The following EXOC7 variants were observed in gnomAD, a reference collection of about 807,000 sequenced individuals.
EXOC7 encodes exocyst complex component Exo70.
EXOC7 carries 51 observed loss-of-function variants against 87.6 expected under a neutral mutation model. The ratio of observed to expected loss-of-function variants is 0.58; its 90% CI spans 0.46 to 0.73. The LOEUF (loss-of-function observed/expected upper bound fraction) is 0.73. Among genes scored for constraint, EXOC7 ranks in the 30% least tolerant of loss-of-function variants. The pLI is 0.00. For missense variants in EXOC7, 744 were observed against 888.4 expected, an observed-to-expected ratio of 0.84 and a Z score of 2.07; for synonymous variants, 327 against 357.1, an observed-to-expected ratio of 0.92 and a Z score of 0.95.
At chr17:76,093,369 C>T (rs1487357504) in intron 6 of EXOC7, 1 of 152,664 alleles carries the variant, frequency 6.6e-6, no homozygotes, top group Non-Finnish European at 1.5e-5. Context: ...TGAGGGCAGC[C>T]CCTGCTCTGC....
intron 7 of EXOC7, chr17:76,090,189 A>G: frequency 2.1e-6 from 2 of 939,486 alleles, no homozygotes; most frequent in Middle Eastern, 3.1e-4. Flanking sequence ...CAAAAGAGAG[A>G]GAGTGGAGAG....
In EXOC7 at chr17:76,086,190, C is replaced by T. The variant is rs774969434; in HGVS notation, c.1430-45G>A. ...GTTATTGCAGTGGCAGCAGCCAAGACCCTCAACGGCCCTTCCCCCAGGCCA... is the reference window on the plus strand; with the variant it reads ...GTTATTGCAGTGGCAGCAGCCAAGATCCTCAACGGCCCTTCCCCCAGGCCA... On this transcript the variant is annotated intron_variant, in intron 12 of 18. Coordinates refer to ENST00000589210, the MANE Select transcript of EXOC7 (RefSeq NM_001013839.4). The T allele has an allele frequency of 6.4e-6, 10 of 1,567,934 alleles. No homozygotes were observed. The East Asian group carries it at 2.2e-4, about 35-fold the overall frequency.
At position 76,097,798 on chromosome 17, in the gene EXOC7, T is replaced by C. The variant is rs1307879558; in HGVS notation, c.638A>G (p.Gln213Arg). ...SRWLVEYGRN[Q>R]DFMNVYYQIR... is the part of the protein sequence containing the mutation. ...GTGGCCAAGCCAGAATCCCTTACCT[T>C]GGTTGCGGCCATATTCCACCAGCCA... Residue 213 changes from glutamine to arginine, a missense_variant and splice_region_variant, in exon 5 of 19, where the codon CAA becomes CGA. Physicochemically the swap from Gln to Arg is conservative, Grantham distance 43. Coordinates refer to ENST00000589210, the MANE Select transcript of EXOC7 (RefSeq NM_001013839.4). 6.2e-7 allele frequency: 1 copy of C among 1,609,038 alleles called. No homozygotes were observed. Among genetic ancestry groups the C allele is most frequent in the Non-Finnish European group, 8.5e-7 (1 of 1,177,202 alleles).
Position 76,081,697 on chromosome 17 carries a change from C to T in EXOC7, c.*1951G>A. 6.2e-7 allele frequency: 1 copy of T among 1,614,132 alleles called. No individual in the cohort carries two copies. The highest frequency in any genetic ancestry group is 8.5e-7 in the Non-Finnish European group (1 of 1,180,024). Reference sequence around the variant, plus strand: ...TGACATTGCTGCTGAGTTACCTCGTCCTCCACTCCTCCCTGGTGCAGGCCC... The same window carrying T: ...TGACATTGCTGCTGAGTTACCTCGTTCTCCACTCCTCCCTGGTGCAGGCCC... On this transcript the variant is annotated 3_prime_UTR_variant, in exon 19 of 19. Transcript: ENST00000589210.
intron 10 of EXOC7, 100 bp from the exon 11 acceptor site, chr17:76,088,222 G>A: frequency 1.6e-6 from 2 of 1,277,418 alleles, no homozygotes; most frequent in Non-Finnish European, 2.2e-6. Flanking sequence ...ACGGGTGCTA[G>A]GACACCTCTC....
chr17:76,085,944 G>A lies in EXOC7; in HGVS notation c.1495+136C>T. ...AACTCCCCTCAGCCTCTGAACTAGA[G>A]GTCAGGTTGTGGTTCCAAAGATCAG... On this transcript the variant is annotated intron_variant, in intron 13 of 18. Coordinates refer to ENST00000589210, the MANE Select transcript of EXOC7 (RefSeq NM_001013839.4). The A allele has an allele frequency of 2.0e-6, 3 of 1,511,692 alleles. No individual in the cohort carries two copies. In the Admixed American group the frequency reaches 5.9e-5, roughly 30 times the overall value. 93.6% of individuals were successfully genotyped at this position (1,511,692 alleles called of 1,614,324 possible). A position where few individuals can be genotyped will look rare whatever the true frequency, so the allele number is the denominator to read the frequency against.
rs536165687 is a variant in EXOC7, at chr17:76,088,709, C to T, written c.1200+62G>A. Reference sequence around the variant, plus strand: ...GGGGTTCTCCCAGGGAGGGATGGGGCGGCCACACCCGGCAGCACGATGCCT... The same window carrying T: ...GGGGTTCTCCCAGGGAGGGATGGGGTGGCCACACCCGGCAGCACGATGCCT... On this transcript the variant is annotated intron_variant, in intron 9 of 18. Coordinates refer to ENST00000589210, the MANE Select transcript of EXOC7 (RefSeq NM_001013839.4). 1.8e-4 allele frequency: 294 copies of T among 1,605,082 alleles called. No individual in the cohort carries two copies. In the African/African-American group the frequency reaches 2.4e-3, roughly 13 times the overall value.
rs773688490 is a variant in EXOC7, at chr17:76,089,213, C to T, written c.1009G>A (p.Glu337Lys). Residue 337 changes from glutamate (E) to lysine (K), a missense_variant, in exon 8 of 19, where the codon GAG (glutamate) becomes AAG (lysine). Around this residue, in one of 3 missense-constraint regions of EXOC7, gnomAD observed 512 missense variants for 573.0 expected, o/e 0.89. Transcript: ENST00000589210. ...TCGAAGGTCTTCTTCTGGTGGTGCT[C>T]GGGGATGATGTCGGCCAGCAGCTGG... is the stretch of plus-strand genomic sequence containing the variant. ...EYQLLADIIP[E>K]HHQKKTFDSL... 19 of 1,613,788 alleles carry T rather than the reference C, an allele frequency of 1.2e-5. No individual in the cohort carries two copies. Among genetic ancestry groups the T allele is most frequent in the Admixed American group, 1.2e-4 (7 of 60,004 alleles).
Position 76,082,020 on chromosome 17 carries a change from AC to A in EXOC7, c.*1627del. On this transcript the variant is annotated 3_prime_UTR_variant, in exon 19 of 19. Transcript: ENST00000589210. ...GCCCCGAGAGGGGAACAGCGAGAGCACGGCAACCCAGGGCCTCATCCTGCTG... is the reference window on the plus strand; with the variant it reads ...GCCCCGAGAGGGGAACAGCGAGAGCAGGCAACCCAGGGCCTCATCCTGCTG... 12 of 1,611,122 alleles carry A rather than the reference AC, an allele frequency of 7.4e-6. No homozygotes were observed. Among genetic ancestry groups the A allele is most frequent in the Non-Finnish European group, 1.0e-5 (12 of 1,179,270 alleles).
At chr17:76,087,771 G>A (rs374550688) in intron 11 of EXOC7, 51 bp from the exon 12 acceptor site, 34 of 1,539,062 alleles carry the variant, frequency 2.2e-5, no homozygotes, top group East Asian at 9.8e-5. Flanking sequence ...CCCGGCCGAC[G>A]GCCTCCCACA....
At chr17:76,089,083 GT>G (rs1567968027) in intron 8 of EXOC7, 91 bp downstream of exon 8, 2 of 1,543,676 alleles carry the variant, frequency 1.3e-6, no homozygotes, top group African/African-American at 2.7e-5. Context: ...AGGGCACGAG[GT>G]GGTGGTGGTG....
intron 7 of EXOC7, chr17:76,090,239 G>T: frequency 6.9e-7 from 1 of 1,442,654 alleles, no homozygotes; most frequent in Non-Finnish European, 9.3e-7. Context: ...AGCAGAGTGG[G>T]CCCAGCTGGG....
intron 5 of EXOC7, 146 bp downstream of exon 5, chr17:76,097,650 A>C (rs1013398073): frequency 6.8e-6 from 4 of 589,218 alleles, no homozygotes; most frequent in Admixed American, 3.4e-5. Flanking sequence ...GGCTGCAGCA[A>C]GCCGAGTTGC....
chr17:76,088,168 C>T (rs371513456), intron 10 of EXOC7, 46 bp from the exon 11 acceptor site: 3 of 1,590,432 alleles, frequency 1.9e-6, no homozygotes, highest in Non-Finnish European at 2.6e-6. Context: ...CCCCAGCCCA[C>T]CCCATGCCCC....
chr17:76,088,405 G>C, intron 10 of EXOC7, 59 bp downstream of exon 10: 4 of 1,534,638 alleles, frequency 2.6e-6, no homozygotes, highest in Non-Finnish European at 3.6e-6. Flanking sequence ...AGTCCCCCAG[G>C]GCCAGGTCAC....
At chr17:76,090,763 A>G in intron 7 of EXOC7, 1 of 538,736 alleles carries the variant, frequency 1.9e-6, no homozygotes, top group East Asian at 3.2e-5. Context: ...CCTCTGCTGC[A>G]CACACTCCCC....
chr17:76,086,755 A>G, intron 12 of EXOC7: 1 of 1,091,726 alleles, frequency 9.2e-7, no homozygotes. Flanking sequence ...GTCCCCTCTG[A>G]CTCAGGCTCC....
rs1310239393 is a variant in EXOC7, at chr17:76,082,088, G to A, written c.*1560C>T. The stretch of plus-strand genomic sequence containing the variant: ...GGGGGGTAAGGAATGAGGCCTAGGT[G>A]CACACCTAGGGCTGGGGTGAGGGCA... On this transcript the variant is annotated 3_prime_UTR_variant, in exon 19 of 19. Coordinates refer to ENST00000589210, the MANE Select transcript of EXOC7 (RefSeq NM_001013839.4). 6.4e-7 allele frequency: 1 copy of A among 1,557,242 alleles called. No homozygotes were observed. Among genetic ancestry groups the A allele is most frequent in the Non-Finnish European group, 8.7e-7 (1 of 1,155,108 alleles).
At position 76,083,905 on chromosome 17, in the gene EXOC7, A is replaced by G. The variant is rs940171011; in HGVS notation, c.1952+101T>C. The G allele has an allele frequency of 3.4e-6, 5 of 1,488,776 alleles. No individual in the cohort carries two copies. In the African/African-American group the frequency reaches 7.0e-5, roughly 21 times the overall value. The allele number at this position is 1,488,776 out of a possible 1,614,324, so 92.2% of individuals were successfully genotyped here. A position where few individuals can be genotyped will look rare whatever the true frequency, so the allele number is the denominator to read the frequency against. Reference sequence around the variant, plus strand: ...GCCCAGGTCGCTGGATCTGCTGCCTAAATCCACCACCCTTCTCCTTTTTCC... The same window carrying G: ...GCCCAGGTCGCTGGATCTGCTGCCTGAATCCACCACCCTTCTCCTTTTTCC... On this transcript the variant is annotated intron_variant, in intron 18 of 18. Transcript: ENST00000589210.
Sources: allele counts gnomAD v4.1 joint callset, GRCh38; gene constraint gnomAD v4.1.1; regional missense constraint gnomAD v4.1.1; transcripts MANE v1.5; gene names NCBI Gene and HGNC (gene_info 2026-07-23, HGNC 2026-07-21).